The following FLT4 variants were observed in gnomAD, a reference collection of about 807,000 sequenced individuals.
FLT4 encodes the protein vascular endothelial growth factor receptor 3.
A neutral mutation model predicts 163.2 loss-of-function variants in FLT4; 30 were observed. That is an observed-to-expected ratio of 0.18 (90% CI 0.14 to 0.25). The LOEUF is 0.25. Among genes scored for constraint, FLT4 ranks in the 10% least tolerant of loss-of-function variants. The probability of loss-of-function intolerance (pLI) is 1.00; values close to 1 mark genes in which losing one functional copy is unlikely to be tolerated. For synonymous variants in FLT4, 884 were observed against 789.5 expected (o/e 1.12, Z -2.01); for missense variants, 1,510 against 1,863.8 (o/e 0.81, Z 3.50).
chr5:180,630,609 T>G lies in FLT4; in HGVS notation c.346A>C (p.Ile116Leu), dbSNP rs2127838736. 1 of 1,613,086 alleles carries G rather than the reference T, an allele frequency of 6.2e-7. No homozygotes were observed. The highest frequency in any genetic ancestry group is 8.5e-7 in the Non-Finnish European group (1 of 1,179,976). ...GTGGTGCCCTCGATGCGTGCCTTGA[T>G]GTACTTGTAGTAGCAGACGTAGCTG... is the stretch of plus-strand genomic sequence containing the variant. ...TGSYVCYYKY[I>L]KARIEGTTAA... Residue 116 changes from isoleucine (I) to leucine (L), a missense_variant, in exon 3 of 30, where the codon ATC becomes CTC. Physicochemically the swap from Ile to Leu is conservative, Grantham distance 5. Coordinates refer to ENST00000261937, the MANE Select transcript of FLT4 (RefSeq NM_182925.5). The surrounding 1 kb of genome is among the most constrained non-coding windows in gnomAD (Gnocchi z 6.3).
rs1764040646 is a variant in FLT4, at chr5:180,630,656, T to G, written c.299A>C (p.Glu100Ala). ...GCTGCCTGTGTCGTTGGCATGTACC[T>G]CGTGCAGCAGCAACACCTTGCAGTA... is the stretch of plus-strand genomic sequence containing the variant. Reference protein sequence around the residue: ...RPYCKVLLLHEVHANDTGSYV... With the variant: ...RPYCKVLLLHAVHANDTGSYV... The change falls in exon 3 of 30, where the codon GAG becomes GCG. Residue 100 changes from glutamate to alanine, a missense_variant. Glu to Ala is a moderately radical substitution (Grantham distance 107). Around this residue, in one of 5 missense-constraint regions of FLT4, gnomAD observed 157 missense variants for 178.7 expected, o/e 0.88. Coordinates refer to ENST00000261937, the MANE Select transcript of FLT4 (RefSeq NM_182925.5). This position sits in a 1 kb window ranked among gnomAD's most constrained non-coding sequence, Gnocchi z 6.3. 1 of 1,613,064 alleles carries G rather than the reference T, an allele frequency of 6.2e-7. No homozygotes were observed. Among genetic ancestry groups the G allele is most frequent in the South Asian group, 1.1e-5 (1 of 91,078 alleles).
At chr5:180,618,963 C>T (rs2127807248) in intron 20 of FLT4, 43 bp from the exon 21 acceptor site, 1 of 1,557,068 alleles carries the variant, frequency 6.4e-7, no homozygotes, top group Non-Finnish European at 8.7e-7. Flanking sequence ...CAGTCGTCCG[C>T]CGCAGAGGCG....
chr5:180,620,037 C>T lies in FLT4; in HGVS notation c.2542+136G>A. 8.8e-7 allele frequency: 1 copy of T among 1,132,724 alleles called. No individual in the cohort carries two copies. The highest frequency in any genetic ancestry group is 1.3e-6 in the Non-Finnish European group (1 of 793,564). The allele number at this position is 1,132,724 out of a possible 1,614,324, so 70.2% of individuals were successfully genotyped here. ...GACCCTGGCTGAGGTTCTAGGTACC[C>T]ACGCCCACAGGGACAGGTCAGGCCA... On this transcript the variant is annotated intron_variant, in intron 17 of 29. Transcript: ENST00000261937. This position sits in a 1 kb window ranked among gnomAD's most constrained non-coding sequence, Gnocchi z 4.4.
chr5:180,604,593 C>T (rs1440880203), intron 29 of FLT4, among the ~76,000 whole-genome samples: 1 of 152,222 alleles, frequency 6.6e-6, no homozygotes, highest in Non-Finnish European at 1.5e-5. Context: ...ATCCAGGCCT[C>T]TCGCCTTGAC....
intron 23 of FLT4, among the ~76,000 whole-genome samples, chr5:180,614,686 C>G (rs79958387): frequency 0.014 from 2,125 of 148,062 alleles, 54 homozygotes; most frequent in African/African-American, 0.047. Flanking sequence ...GCCCTGAGGG[C>G]CAGGGCCCTT....
rs762533367 is a variant in FLT4, at chr5:180,603,222, G to A, written c.4062C>T (p.Arg1354=). 1.9e-5 allele frequency: 31 copies of A among 1,613,964 alleles called. No homozygotes were observed. In the East Asian group the frequency reaches 3.1e-4, roughly 16 times the overall value. ...AGCTGTTGTCTGTGAAGAAAGTCACGCGGGCAGACGGGGAGCAGTGGTCCT... is the reference window on the plus strand; with the variant it reads ...AGCTGTTGTCTGTGAAGAAAGTCACACGGGCAGACGGGGAGCAGTGGTCCT... ...SEEDHCSPSA[R]VTFFTDNSY Residue 1354 remains arginine (R), a synonymous_variant, in exon 30 of 30, where the codon CGC becomes CGT. Transcript: ENST00000261937.
In FLT4 at chr5:180,602,037, G is replaced by A. The variant is rs1186459526; in HGVS notation, c.*1155C>T. 8.6e-6 allele frequency: 2 copies of A among 233,288 alleles called. No homozygotes were observed. Among genetic ancestry groups the A allele is most frequent in the African/African-American group, 4.4e-5 (2 of 45,348 alleles). 14.5% of individuals were successfully genotyped at this position (233,288 alleles called of 1,614,324 possible). ...TGAGCAGAATGCCTCCAGCCTTCAG[G>A]GGATCTCTCGGCTGCTCCTCTGGGA... On this transcript the variant is annotated 3_prime_UTR_variant, in exon 30 of 30. Transcript: ENST00000261937.
At chr5:180,647,636 G>A (rs1213205745) in intron 1 of FLT4, among the ~76,000 whole-genome samples, 4 of 151,854 alleles carry the variant, frequency 2.6e-5, no homozygotes, top group Non-Finnish European at 5.9e-5. Flanking sequence ...TTCCGCCATG[G>A]CATCCCCCAT....
In FLT4 at chr5:180,625,831, TGGCTGTGCAGGGGACCTGA is replaced by T. The variant is rs144453562; in HGVS notation, c.1421+19_1421+37del. The T allele has an allele frequency of 0.028, 44,529 of 1,598,372 alleles. 2,172 individuals carry two copies. The highest frequency in any genetic ancestry group is 0.2 in the East Asian group (9,035 of 44,752). On this transcript the variant is annotated intron_variant, in intron 10 of 29. Transcript: ENST00000261937. ...TCCTCATGGCTGAGGCTGGGGGCTG[TGGCTGTGCAGGGGACCTGA>T]GGCTGGAGCTGTACTCACAGACTAC...
rs141400810 is a variant in FLT4, at chr5:180,623,971, C to T, written c.1512G>A (p.Leu504=). 17 of 1,613,560 alleles carry T rather than the reference C, an allele frequency of 1.1e-5. No individual in the cohort carries two copies. The African/African-American group carries it at 1.3e-4, about 13-fold the overall frequency. ...CCTCCACAAACTCGGTCCAGGTGTC[C>T]AGGCTCTCGATGGGGTTCACGGCAT... The part of the protein sequence containing the change: ...TQDAVNPIES[L]DTWTEFVEGK... Residue 504 remains leucine (L), a synonymous_variant, in exon 11 of 30, where the codon CTG becomes CTA. Transcript: ENST00000261937. This position sits in a 1 kb window ranked among gnomAD's most constrained non-coding sequence, Gnocchi z 5.8.
chr5:180,629,445 A>G lies in FLT4; in HGVS notation c.817-18T>C. ...CGCTCTGCCTGCCCGCACCCAGGGA[A>G]GCCCCGCGTCAGCAGGCGGGCTCCT... On this transcript the variant is annotated intron_variant, in intron 6 of 29. Transcript: ENST00000261937. 1 of 1,609,732 alleles carries G rather than the reference A, an allele frequency of 6.2e-7. No homozygotes were observed. Among genetic ancestry groups the G allele is most frequent in the Non-Finnish European group, 8.5e-7 (1 of 1,179,858 alleles).
chr5:180,632,602 GTGTGTGTGTGTGT>G (rs1764268575), intron 1 of FLT4, among the ~76,000 whole-genome samples: 1 of 1,202 alleles, frequency 8.3e-4, no homozygotes, highest in South Asian at 0.019. Flanking sequence ...GTGAGGTGGT[GTGTGTGTGTGTGT>G]GTGTGTGTGT....
intron 18 of FLT4, 61 bp downstream of exon 18, chr5:180,619,604 C>T: frequency 7.4e-7 from 1 of 1,353,610 alleles, no homozygotes; most frequent in Non-Finnish European, 1.1e-6. Context: ...GTCCCACCGG[C>T]CCACCCCGAG....
At chr5:180,642,120 T>C (rs1417612629) in intron 1 of FLT4, among the ~76,000 whole-genome samples, 1 of 149,282 alleles carries the variant, frequency 6.7e-6, no homozygotes, top group East Asian at 2.0e-4. Flanking sequence ...GGCAGGAGAA[T>C]GGCGTGAACC....
intron 1 of FLT4, among the ~76,000 whole-genome samples, chr5:180,643,420 G>T (rs1208852273): frequency 6.6e-6 from 1 of 152,184 alleles, no homozygotes; most frequent in East Asian, 1.9e-4. Context: ...CCCCTCCCGG[G>T]CATTGCAGGC....
At chr5:180,616,534 T>G in intron 22 of FLT4, 45 bp from the exon 23 acceptor site, 1 of 1,610,188 alleles carries the variant, frequency 6.2e-7, no homozygotes, top group Non-Finnish European at 8.5e-7. Flanking sequence ...TGCAGGCCCC[T>G]GGGGTAATAC....
chr5:180,614,233 C>T (rs940197784), intron 23 of FLT4, 54 bp from the exon 24 acceptor site: 31 of 1,269,796 alleles, frequency 2.4e-5, no homozygotes, highest in Middle Eastern at 1.9e-4. Context: ...CGGAGGGAAG[C>T]GTGTCCCGTG....
chr5:180,632,307 C>A (rs1275049463), intron 1 of FLT4, among the ~76,000 whole-genome samples: 1 of 152,222 alleles, frequency 6.6e-6, no homozygotes, highest in Non-Finnish European at 1.5e-5. Context: ...CTGCCAGGGG[C>A]CTCGCCCCTT....
chr5:180,629,573 C>T, intron 6 of FLT4, 123 bp downstream of exon 6: 4 of 1,461,172 alleles, frequency 2.7e-6, no homozygotes, highest in Non-Finnish European at 3.7e-6. Flanking sequence ...ACACTTGCCA[C>T]TCAGACCGGG....
Sources: allele counts gnomAD v4.1 joint callset (sites outside exome capture counted in the v4.1 genomes callset), GRCh38; gene constraint gnomAD v4.1.1; regional missense constraint gnomAD v4.1.1; non-coding constraint Gnocchi (gnomAD v3.1); transcripts MANE v1.5; gene names NCBI Gene and HGNC (gene_info 2026-07-23, HGNC 2026-07-21).